ANTXR1: variants seen among roughly 807,000 people sequenced by gnomAD.
The protein encoded by ANTXR1 is ANTXR cell adhesion molecule 1.
ANTXR1 carries 19 observed loss-of-function variants against 78.1 expected under a neutral mutation model. The ratio of observed to expected loss-of-function variants is 0.24; its 90% confidence interval spans 0.17 to 0.36. The LOEUF (loss-of-function observed/expected upper bound fraction) is 0.36. Ranked by LOEUF, ANTXR1 falls within the 10% of genes least tolerant of loss-of-function variation. The pLI, the probability that ANTXR1 is intolerant of heterozygous loss-of-function variation, is 1.00. For missense variants in ANTXR1, 518 were observed against 718.6 expected (o/e 0.72, Z 3.19); for synonymous variants, 273 against 260.5 (o/e 1.05, Z -0.46).
At chr2:69,189,168 T>C (rs1674494050) in intron 16 of ANTXR1, among the ~76,000 whole-genome samples, 2 of 152,188 alleles carry the variant, frequency 1.3e-5, no homozygotes, top group African/African-American at 2.4e-5. Context: ...CTGGAGAGTT[T>C]AGGTTCATTT....
At chr2:69,148,499 C>T (rs1254568992) in intron 12 of ANTXR1, among the ~76,000 whole-genome samples, 7 of 152,190 alleles carry the variant, frequency 4.6e-5, no homozygotes, top group South Asian at 4.1e-4. Flanking sequence ...GGCTTCTCCA[C>T]GTGGCTGTCA....
rs971683094 is a variant in ANTXR1, at chr2:69,166,320, A to G, written c.1048-3928A>G. ...AGTCAGAATTAAAGTCACTGGTAAG[A>G]GAGGAGAGGAGATGCATCTCCCAAC... On this transcript the variant is annotated intron_variant, in intron 13 of 17. Transcript: ENST00000303714. 4.6e-5 allele frequency among the ~76,000 whole-genome samples: 7 copies of G among 152,380 alleles called. No homozygotes were observed. The South Asian group carries it at 1.4e-3, about 32-fold the overall frequency.
intron 14 of ANTXR1, among the ~76,000 whole-genome samples, chr2:69,172,174 C>A (rs1392277135): frequency 6.6e-6 from 1 of 152,152 alleles, no homozygotes; most frequent in Non-Finnish European, 1.5e-5. Flanking sequence ...CTTTGAAACC[C>A]TCTGACTTAA....
In ANTXR1 at chr2:69,096,298, G is replaced by T. The variant is rs7582428; in HGVS notation, c.703+5379G>T. Among the ~76,000 whole-genome samples, 2 of 18,984 alleles carry T rather than the reference G, an allele frequency of 1.1e-4. 1 individual carries two copies. Among genetic ancestry groups the T allele is most frequent in the Non-Finnish European group, 1.7e-4 (2 of 11,450 alleles). The allele number at this position is 18,984 out of a possible 152,430, so 12.5% of individuals were successfully genotyped here. A position where few individuals can be genotyped will look rare whatever the true frequency, so the allele number is the denominator to read the frequency against. On this transcript the variant is annotated intron_variant, in intron 9 of 17. Coordinates refer to ENST00000303714, the MANE Select transcript of ANTXR1 (RefSeq NM_032208.3). ...GAAGGAAGGAAGGAAGGGAGGAAGG[G>T]AGGAAGGGAGGAAGGGAGGAAGGGA...
chr2:69,195,555 C>T (rs1674649844), intron 17 of ANTXR1, among the ~76,000 whole-genome samples: 1 of 152,172 alleles, frequency 6.6e-6, no homozygotes, highest in South Asian at 2.1e-4. Context: ...ACTTGGCCCT[C>T]ATCACATATG....
intron 17 of ANTXR1, among the ~76,000 whole-genome samples, chr2:69,218,877 G>T (rs562554175): frequency 1.3e-5 from 2 of 152,238 alleles, no homozygotes; most frequent in South Asian, 4.1e-4. Context: ...AAGCCTCAAG[G>T]CAGAAGGAGT....
At chr2:69,035,111 A>G (rs936457233) in intron 1 of ANTXR1, among the ~76,000 whole-genome samples, 2 of 151,818 alleles carry the variant, frequency 1.3e-5, no homozygotes, top group African/African-American at 4.8e-5. Context: ...GAAAGTCTAA[A>G]CTGAGTCATA....
Position 69,075,657 on chromosome 2 carries a change from A to T in ANTXR1, c.560A>T (p.Gln187Leu). ...CVGVKDFNET[Q>L]LARIADSKDH... ...GGTGTGAAAGATTTCAATGAGACAC[A>T]GGTATGGTAATGGATTTCCTCAGGT... Residue 187 changes from glutamine (Q) to leucine (L), a missense_variant and splice_region_variant, in exon 7 of 18, where the codon CAG becomes CTG. This residue lies in a region of ANTXR1 where 264 missense variants were observed against 391.8 expected (regional missense o/e 0.67). Transcript: ENST00000303714. 1 of 1,613,922 alleles carries T rather than the reference A, an allele frequency of 6.2e-7. No homozygotes were observed. Among genetic ancestry groups the T allele is most frequent in the Non-Finnish European group, 8.5e-7 (1 of 1,179,798 alleles).
intron 10 of ANTXR1, among the ~76,000 whole-genome samples, chr2:69,117,126 T>C (rs1672169707): frequency 6.6e-6 from 1 of 152,192 alleles, no homozygotes; most frequent in Non-Finnish European, 1.5e-5. Context: ...CCTAGACCCC[T>C]CTCCTGGAAG....
chr2:69,247,229 C>T lies in ANTXR1; in HGVS notation c.*1744C>T, dbSNP rs1451720546. ...CCAACAGTCAGATGAGAGAAATGAA[C>T]CCTACTTGCTATCTCTATCTTAGAA... On this transcript the variant is annotated 3_prime_UTR_variant, in exon 18 of 18. Coordinates refer to ENST00000303714, the MANE Select transcript of ANTXR1 (RefSeq NM_032208.3). The T allele has an allele frequency of 2.6e-5, 4 of 152,996 alleles. No individual in the cohort carries two copies. The highest frequency in any genetic ancestry group is 5.9e-5 in the Non-Finnish European group (4 of 68,068). 9.5% of individuals were successfully genotyped at this position (152,996 alleles called of 1,614,324 possible). A position where few individuals can be genotyped will look rare whatever the true frequency, so the allele number is the denominator to read the frequency against.
At chr2:69,101,058 TCA>T (rs777560079) in intron 9 of ANTXR1, among the ~76,000 whole-genome samples, 6 of 152,218 alleles carry the variant, frequency 3.9e-5, no homozygotes, top group Non-Finnish European at 7.3e-5. Context: ...ATTCAAAATG[TCA>T]CAGTCTCCAT....
At chr2:69,098,887 G>A (rs1325830504) in intron 9 of ANTXR1, among the ~76,000 whole-genome samples, 1 of 152,210 alleles carries the variant, frequency 6.6e-6, no homozygotes, top group African/African-American at 2.4e-5. Flanking sequence ...TCCGGAGGCT[G>A]AGGCAGGAGA....
intron 12 of ANTXR1, among the ~76,000 whole-genome samples, chr2:69,151,196 T>G (rs1286137635): frequency 2.1e-5 from 3 of 143,428 alleles, no homozygotes; most frequent in African/African-American, 7.7e-5. Flanking sequence ...CTTTTTTTTT[T>G]TTTTTTTTTT....
chr2:69,064,692 T>A (rs758168320), intron 3 of ANTXR1, among the ~76,000 whole-genome samples: 2 of 152,188 alleles, frequency 1.3e-5, no homozygotes, highest in African/African-American at 4.8e-5. Flanking sequence ...TCATAAAAAG[T>A]TAGAATGGAT....
At chr2:69,133,644 G>T (rs1672822922) in intron 12 of ANTXR1, among the ~76,000 whole-genome samples, 1 of 152,168 alleles carries the variant, frequency 6.6e-6, no homozygotes, top group South Asian at 2.1e-4. Flanking sequence ...TGGTCATCTG[G>T]AAAAGGAGTA....
At chr2:69,105,711 G>A (rs2104329102) in intron 10 of ANTXR1, among the ~76,000 whole-genome samples, 2 of 152,056 alleles carry the variant, frequency 1.3e-5, no homozygotes, top group African/African-American at 4.8e-5. Flanking sequence ...GTTTTAAAAT[G>A]TTATCTGTTT....
chr2:69,075,764 A>G (rs1670712100), intron 7 of ANTXR1, 106 bp downstream of exon 7: 4 of 1,044,944 alleles, frequency 3.8e-6, no homozygotes, highest in Non-Finnish European at 6.0e-6. Flanking sequence ...ATGCCCCTGA[A>G]ATAGGTTATT....
rs137883864 is a variant in ANTXR1, at chr2:69,084,311, A to G, written c.643-6548A>G. On this transcript the variant is annotated intron_variant, in intron 8 of 17. Transcript: ENST00000303714. The stretch of plus-strand genomic sequence containing the variant: ...AAACAAATGAATTTCCTACTTTTAG[A>G]ACCTTGTTTATCCTACACTCCTTTG... 2.2e-4 allele frequency among the ~76,000 whole-genome samples: 33 copies of G among 152,312 alleles called. No homozygotes were observed. The East Asian group carries it at 6.4e-3, about 29-fold the overall frequency.
intron 1 of ANTXR1, among the ~76,000 whole-genome samples, chr2:69,030,882 A>T (rs1322673910): frequency 6.6e-6 from 1 of 152,244 alleles, no homozygotes; most frequent in African/African-American, 2.4e-5. Flanking sequence ...CGTGAGAAAG[A>T]CATGACAGTG....
Sources: gnomAD v4.1 joint callset for allele counts (sites outside exome capture counted in the v4.1 genomes callset) on GRCh38, gnomAD v4.1.1 for gene constraint, gnomAD v4.1.1 regional missense constraint, MANE v1.5 for transcripts, NCBI Gene and HGNC (gene_info 2026-07-23, HGNC 2026-07-21) for gene names.